Variants in CALN1 observed in about 807,000 individuals in gnomAD.
CALN1 encodes the protein calcium-binding protein 8.
A neutral mutation model predicts 30.6 loss-of-function variants in CALN1; 17 were observed. The observed-to-expected ratio is 0.56, with a 90% CI of 0.38 to 0.83. The LOEUF is 0.83. CALN1 is among the 40% of genes least tolerant of loss of function. The pLI is 0.00. For synonymous variants in CALN1, 156 were observed against 131.4 expected, an observed-to-expected ratio of 1.19 and a Z score of -1.28; for missense variants, 291 against 354.9, an observed-to-expected ratio of 0.82 and a Z score of 1.45.
In CALN1 at chr7:72,150,253, G is replaced by T. The variant is rs576688398; in HGVS notation, c.245-43959C>A. ...GCCCAAGTTCCAATTTGCTTGAGGG[G>T]GCCTAAATTATTTGAATCAATAAAT... On this transcript the variant is annotated intron_variant, in intron 3 of 6. Transcript: ENST00000395275. 1.5e-3 allele frequency among the ~76,000 whole-genome samples: 234 copies of T among 152,202 alleles called. 2 individuals carry two copies. The highest frequency in any genetic ancestry group is 0.015 in the Admixed American group (222 of 15,286).
intron 3 of CALN1, among the ~76,000 whole-genome samples, chr7:72,205,566 A>ACACATATATATATATACG (rs1554319650): frequency 8.6e-6 from 1 of 115,664 alleles, no homozygotes; most frequent in African/African-American, 3.7e-5. Flanking sequence ...ATATATATAT[A>ACACATATATATATATACG]TGTATATATA....
At chr7:71,899,358 G>T (rs139293837) in intron 5 of CALN1, among the ~76,000 whole-genome samples, 2,023 of 152,164 alleles carry the variant, frequency 0.013, 20 homozygotes, top group Admixed American at 0.023. Context: ...GGTCAGGCTG[G>T]TCTCGAACTG....
chr7:72,497,569 G>C, the CALN1 span, among the ~76,000 whole-genome samples: 1 of 152,216 alleles, frequency 6.6e-6, no homozygotes, highest in Non-Finnish European at 1.5e-5. Context: ...GGAAGCACAT[G>C]CTAGGGTTAA....
chr7:72,104,451 G>A (rs1035012109), intron 4 of CALN1, among the ~76,000 whole-genome samples: 6 of 152,088 alleles, frequency 3.9e-5, no homozygotes, highest in East Asian at 1.9e-4. Context: ...AGGTTTGTTA[G>A]ATAGGTAAAC....
rs1554402602 is a variant in CALN1 at position 72,406,622 on chromosome 7, T to TTTTC, written c.-73-3181_-73-3180insGAAA. On this transcript the variant is annotated intron_variant, in intron 1 of 6. Coordinates refer to ENST00000395275, the MANE Select transcript of CALN1 (RefSeq NM_031468.4). ...CATGAGGGTCCTTGTCAGCTTTTTTTTTTTTCTTTTTTAAGACGGAGTCTT... is the reference window on the plus strand; with the variant it reads ...CATGAGGGTCCTTGTCAGCTTTTTTTTTTCTTTTTCTTTTTTAAGACGGAGTCTT... Among the ~76,000 whole-genome samples the TTTTC allele has an allele frequency of 7.6e-5, 7 of 92,256 alleles. No individual in the cohort carries two copies. The East Asian group carries it at 0.01, about 137-fold the overall frequency. The allele number at this position is 92,256 out of a possible 152,430, so 60.5% of individuals were successfully genotyped here. A position where few individuals can be genotyped will look rare whatever the true frequency, so the allele number is the denominator to read the frequency against.
chr7:71,921,171 AG>A (rs923414965), intron 5 of CALN1, among the ~76,000 whole-genome samples: 21 of 152,156 alleles, frequency 1.4e-4, no homozygotes, highest in African/African-American at 4.6e-4. Context: ...ATATGGACAG[AG>A]GGAGAGATAC....
intron 3 of CALN1, among the ~76,000 whole-genome samples, chr7:72,266,502 C>T (rs935532484): frequency 6.6e-6 from 1 of 152,208 alleles, no homozygotes. Context: ...ATGTCATGCA[C>T]ATTCCGAGCC....
intron 5 of CALN1, among the ~76,000 whole-genome samples, chr7:71,820,858 T>C (rs1378325013): frequency 6.6e-6 from 1 of 152,200 alleles, no homozygotes; most frequent in Non-Finnish European, 1.5e-5. Context: ...TTACAGATTC[T>C]GAGACTGAAG....
chr7:72,435,725 A>G (rs377262156), intron 1 of CALN1, among the ~76,000 whole-genome samples: 1 of 152,218 alleles, frequency 6.6e-6, no homozygotes, highest in Non-Finnish European at 1.5e-5. Flanking sequence ...CGGCACAAGC[A>G]AATGCACACA....
intron 3 of CALN1, among the ~76,000 whole-genome samples, chr7:72,232,412 T>C (rs1314512306): frequency 1.3e-5 from 2 of 152,220 alleles, no homozygotes; most frequent in Non-Finnish European, 1.5e-5. Flanking sequence ...GTTAAATAAG[T>C]TATTGTCACT....
At chr7:72,137,585 G>A (rs1809600489) in intron 3 of CALN1, among the ~76,000 whole-genome samples, 1 of 152,126 alleles carries the variant, frequency 6.6e-6, no homozygotes, top group Non-Finnish European at 1.5e-5. Flanking sequence ...TATCTGCAAG[G>A]TGCAATAAAG....
intron 3 of CALN1, among the ~76,000 whole-genome samples, chr7:72,156,280 G>A (rs1474373290): frequency 6.6e-6 from 1 of 152,184 alleles, no homozygotes; most frequent in Non-Finnish European, 1.5e-5. Context: ...AGGAAACCAA[G>A]CAATAGAAGG....
chr7:71,983,797 G>C (rs1418230120), intron 5 of CALN1, among the ~76,000 whole-genome samples: 1 of 152,188 alleles, frequency 6.6e-6, no homozygotes, highest in African/African-American at 2.4e-5. Flanking sequence ...CTCCCAAAGT[G>C]CTGGGATTAC....
intron 5 of CALN1, among the ~76,000 whole-genome samples, chr7:72,015,024 C>T (rs544203155): frequency 6.6e-6 from 1 of 152,320 alleles, no homozygotes; most frequent in East Asian, 1.9e-4. Context: ...TTGATTGTTC[C>T]ATTGCCTCCA....
chr7:72,320,651 A>G (rs1297558858), intron 2 of CALN1, among the ~76,000 whole-genome samples: 2 of 152,048 alleles, frequency 1.3e-5, no homozygotes, highest in Non-Finnish European at 2.9e-5. Flanking sequence ...CCCGGCCAAC[A>G]TGGCAAAACC....
intron 5 of CALN1, among the ~76,000 whole-genome samples, chr7:71,916,708 G>A (rs1006118252): frequency 2.6e-5 from 4 of 152,104 alleles, no homozygotes; most frequent in African/African-American, 9.7e-5. Flanking sequence ...ATAGCTAATG[G>A]ATGCTGGGAT....
In CALN1 at chr7:72,046,744, G is replaced by T. The variant is rs867095458; in HGVS notation, c.389-22975C>A. ...AAAAAAAAAAAAAAAAAAAAGGATT[G>T]AAAACTAAGGCCAGGTGCGGTAGCT... On this transcript the variant is annotated intron_variant, in intron 4 of 6. Transcript: ENST00000395275. 3.4e-3 allele frequency among the ~76,000 whole-genome samples: 417 copies of T among 121,398 alleles called. 1 individual carries two copies. The highest frequency in any genetic ancestry group is 0.011 in the African/African-American group (365 of 32,354). The allele number at this position is 121,398 out of a possible 152,430, so 79.6% of individuals were successfully genotyped here.
intron 3 of CALN1, among the ~76,000 whole-genome samples, chr7:72,153,124 C>T (rs1295748675): frequency 6.6e-6 from 1 of 152,232 alleles, no homozygotes; most frequent in East Asian, 1.9e-4. Context: ...ACTGGCACTT[C>T]TTGCTTAGAG....
intron 3 of CALN1, among the ~76,000 whole-genome samples, chr7:72,139,009 C>T (rs1029742447): frequency 1.3e-5 from 2 of 152,206 alleles, no homozygotes; most frequent in Admixed American, 1.3e-4. Context: ...AAAATTCATC[C>T]TTGACTCCTT....
Sources: allele counts gnomAD v4.1 joint callset (sites outside exome capture counted in the v4.1 genomes callset), GRCh38; gene constraint gnomAD v4.1.1; transcripts MANE v1.5; gene names NCBI Gene and HGNC (gene_info 2026-07-23, HGNC 2026-07-21).